The following SZT2 variants were observed in gnomAD, a reference collection of about 807,000 sequenced individuals.
SZT2 encodes the protein KICSTOR complex protein SZT2.
SZT2 carries 216 observed loss-of-function variants against 404.2 expected under a neutral mutation model. The observed-to-expected ratio is 0.53, with a 90% confidence interval of 0.48 to 0.60. The LOEUF is 0.60. Among genes scored for constraint, SZT2 ranks in the 20% least tolerant of loss-of-function variants. The pLI, the probability that SZT2 is intolerant of heterozygous loss-of-function variation, is 0.00. For missense variants in SZT2, 3,857 were observed against 4,459.2 expected (o/e 0.86, Z 3.85); for synonymous variants, 1,693 against 1,749.9 (o/e 0.97, Z 0.81).
rs1655345912 is a variant in SZT2 at position 43,443,704 on chromosome 1, G to A, written c.8733G>A (p.Glu2911=). The change falls in exon 62 of 72, where the codon GAG becomes GAA. Residue 2911 remains glutamate, a synonymous_variant. Transcript: ENST00000634258. ...PGAREEPWLK[E]LSLAFLQQYV... ...CCCGTGAGGAGCCTTGGCTGAAGGA[G>A]CTGAGCTTGGCTTTCCTGCAGCAAT... 1 of 1,614,128 alleles carries A rather than the reference G, an allele frequency of 6.2e-7. No individual in the cohort carries two copies. The highest frequency in any genetic ancestry group is 8.5e-7 in the Non-Finnish European group (1 of 1,180,048).
Position 43,419,827 on chromosome 1 carries a change from C to T in SZT2, c.973C>T (p.Leu325=), listed in dbSNP as rs1372287023. 1.3e-6 allele frequency: 2 copies of T among 1,598,390 alleles called. No individual in the cohort carries two copies. The highest frequency in any genetic ancestry group is 2.7e-5 in the African/African-American group (2 of 74,934). ...CGCAATGGCAACATTTGGGTCCTAC[C>T]TGTCCACTTGTCCTGAGCCGGAGCC... ...FIAMATFGSY[L]STCPEPEPGN... is the part of the protein sequence containing the mutation. Residue 325 remains leucine, a synonymous_variant, in exon 8 of 72, where the codon CTG becomes TTG. Coordinates refer to ENST00000634258, the MANE Select transcript of SZT2 (RefSeq NM_001365999.1).
In SZT2 at chr1:43,452,274, T is replaced by C; in HGVS notation, c.*1794T>C. 1.9e-6 allele frequency: 3 copies of C among 1,614,140 alleles called. No homozygotes were observed. The highest frequency in any genetic ancestry group is 1.1e-5 in the South Asian group (1 of 91,054). On this transcript the variant is annotated 3_prime_UTR_variant, in exon 72 of 72. Coordinates refer to ENST00000634258, the MANE Select transcript of SZT2 (RefSeq NM_001365999.1). ...CGGCCTCCATCTCAGCCTTGACTGC[T>C]ATTCGATCAGCTCCCTGGGGTACTC...
rs745328236 is a variant in SZT2 at position 43,425,656 on chromosome 1, G to C, written c.2814+14G>C. On this transcript the variant is annotated intron_variant, in intron 19 of 71. Coordinates refer to ENST00000634258, the MANE Select transcript of SZT2 (RefSeq NM_001365999.1). The surrounding 1 kb of genome is among the most constrained non-coding windows in gnomAD (Gnocchi z 4.3). ...ATCCCGCAAGCTGTGAGTGTCCTCA[G>C]AACAGTACCCGCACCTCTCTCACTG... 6 of 1,613,242 alleles carry C rather than the reference G, an allele frequency of 3.7e-6. No individual in the cohort carries two copies. The East Asian group carries it at 1.1e-4, about 30-fold the overall frequency.
rs202113628 is a variant in SZT2 at position 43,443,793 on chromosome 1, G to A, written c.8822G>A (p.Arg2941His). The change falls in exon 62 of 72, where the codon CGC becomes CAC. Residue 2941 changes from arginine (R) to histidine (H), a missense_variant. This residue lies in a region of SZT2 where 717 missense variants were observed against 868.2 expected (regional missense o/e 0.83). Coordinates refer to ENST00000634258, the MANE Select transcript of SZT2 (RefSeq NM_001365999.1). ...LVPLRPPSPA[R>H]STSRPRAMAI... ...CCACTGCGGCCCCCCTCACCCGCCC[G>A]CAGGTGAGCCCGTCCCTGTTTTCCC... 51 of 1,613,294 alleles carry A rather than the reference G, an allele frequency of 3.2e-5. No homozygotes were observed. Among genetic ancestry groups the A allele is most frequent in the Non-Finnish European group, 3.6e-5 (42 of 1,180,016 alleles).
At chr1:43,436,962 C>G (rs1654519963) in intron 42 of SZT2, 3 of 610,564 alleles carry the variant, frequency 4.9e-6, no homozygotes, top group East Asian at 2.8e-5. Context: ...TGAGATAGTT[C>G]TGGAAGCCTT....
chr1:43,453,207 A>G lies in SZT2; in HGVS notation c.*2727A>G. On this transcript the variant is annotated 3_prime_UTR_variant, in exon 72 of 72. Transcript: ENST00000634258. ...TGGGGTGAGCATGAAAGAGTGGCAAACAGAGTGGCATAAGACAGATAAAAT... is the reference window on the plus strand; with the variant it reads ...TGGGGTGAGCATGAAAGAGTGGCAAGCAGAGTGGCATAAGACAGATAAAAT... 2 of 641,110 alleles carry G rather than the reference A, an allele frequency of 3.1e-6. No homozygotes were observed. The highest frequency in any genetic ancestry group is 5.8e-4 in the Middle Eastern group (2 of 3,472). 39.7% of individuals were successfully genotyped at this position (641,110 alleles called of 1,614,324 possible).
In SZT2 at chr1:43,441,056, T is replaced by A. The variant is rs1321242536; in HGVS notation, c.7345-158T>A. The stretch of plus-strand genomic sequence containing the variant: ...TGAGGAAGGTGAGGCTCAGGAAAGT[T>A]AGGTAACCTGCCCAAGGCTCCTTAG... On this transcript the variant is annotated intron_variant, in intron 52 of 71. Transcript: ENST00000634258. The surrounding 1 kb of genome is among the most constrained non-coding windows in gnomAD (Gnocchi z 4.8). Among the ~76,000 whole-genome samples, 1 of 152,180 alleles carries A rather than the reference T, an allele frequency of 6.6e-6. No homozygotes were observed. Among genetic ancestry groups the A allele is most frequent in the Non-Finnish European group, 1.5e-5 (1 of 68,020 alleles).
chr1:43,409,391 G>A (rs978081144), intron 4 of SZT2: 13 of 283,020 alleles, frequency 4.6e-5, no homozygotes, highest in African/African-American at 1.6e-4. Context: ...GATTTTGAGC[G>A]TAAAAGAGAG....
In SZT2 at chr1:43,396,207, C is replaced by T. The variant is rs542045052; in HGVS notation, c.27+6212C>T. Among the ~76,000 whole-genome samples the T allele has an allele frequency of 2.0e-5, 3 of 152,262 alleles. No individual in the cohort carries two copies. In the South Asian group the frequency reaches 6.2e-4, roughly 32 times the overall value. ...ACCAGCCAGAATTCATTCATGGGCA[C>T]ATAATCTAAGATATAAAATAGTGAG... is the stretch of plus-strand genomic sequence containing the variant. On this transcript the variant is annotated intron_variant, in intron 1 of 71. Transcript: ENST00000634258.
Position 43,453,238 on chromosome 1 carries a change from A to C in SZT2, c.*2758A>C. On this transcript the variant is annotated 3_prime_UTR_variant, in exon 72 of 72. Transcript: ENST00000634258. ...TGGCATAAGACAGATAAAATACAAA[A>C]GGCAATTTACAAAGGACCAGGACCG... The C allele has an allele frequency of 1.5e-6, 1 of 645,944 alleles. No homozygotes were observed. Among genetic ancestry groups the C allele is most frequent in the Non-Finnish European group, 2.7e-6 (1 of 371,698 alleles). The allele number at this position is 645,944 out of a possible 1,614,324, so 40.0% of individuals were successfully genotyped here. A position where few individuals can be genotyped will look rare whatever the true frequency, so the allele number is the denominator to read the frequency against.
In SZT2 at chr1:43,439,462, C is replaced by T. The variant is rs746434728; in HGVS notation, c.6877+20C>T. On this transcript the variant is annotated intron_variant, in intron 49 of 71. Coordinates refer to ENST00000634258, the MANE Select transcript of SZT2 (RefSeq NM_001365999.1). This position sits in a 1 kb window ranked among gnomAD's most constrained non-coding sequence, Gnocchi z 4.2. Reference sequence around the variant, plus strand: ...GCAAAGGTACGGTGCAGGGCACGGGCCTGTGGCACCACCAGGTGAGGGAAA... The same window carrying T: ...GCAAAGGTACGGTGCAGGGCACGGGTCTGTGGCACCACCAGGTGAGGGAAA... 2 of 1,601,828 alleles carry T rather than the reference C, an allele frequency of 1.2e-6. No homozygotes were observed. The highest frequency in any genetic ancestry group is 4.5e-5 in the East Asian group (2 of 44,722).
rs770299903 is a variant in SZT2, at chr1:43,403,798, G to A, written c.327+24G>A. The stretch of plus-strand genomic sequence containing the variant: ...TGGTAAAGGATTGAAGGGAGACTGT[G>A]GGAAGAAAGGATGGGGTGGGGTGTG... On this transcript the variant is annotated intron_variant, in intron 3 of 71. Coordinates refer to ENST00000634258, the MANE Select transcript of SZT2 (RefSeq NM_001365999.1). The A allele has an allele frequency of 4.4e-6, 7 of 1,608,500 alleles. No individual in the cohort carries two copies. The Admixed American group carries it at 6.7e-5, about 15-fold the overall frequency.
rs79439514 is a variant in SZT2 at position 43,451,427 on chromosome 1, C to G, written c.*947C>G. On this transcript the variant is annotated 3_prime_UTR_variant, in exon 72 of 72. Transcript: ENST00000634258. ...CGCCTCACCTCGAGGCTGATACTCACAGCCCACGAAGCCTTTGTAGCCTTC... is the reference window on the plus strand; with the variant it reads ...CGCCTCACCTCGAGGCTGATACTCAGAGCCCACGAAGCCTTTGTAGCCTTC... 4.6e-3 allele frequency: 7,435 copies of G among 1,613,346 alleles called. 316 individuals are homozygous for G. In the African/African-American group the frequency reaches 0.088, roughly 19 times the overall value.
At chr1:43,423,495 G>A (rs966184225) in intron 15 of SZT2, among the ~76,000 whole-genome samples, 179 bp downstream of exon 15, 29 of 150,580 alleles carry the variant, frequency 1.9e-4, no homozygotes, top group Non-Finnish European at 3.7e-4. Flanking sequence ...GTGGAAGGGC[G>A]TGGCTTAGCA....
In SZT2 at chr1:43,441,994, C is replaced by A; in HGVS notation, c.7743-6C>A. On this transcript the variant is annotated splice_region_variant and splice_polypyrimidine_tract_variant and intron_variant, in intron 55 of 71. Transcript: ENST00000634258. This position sits in a 1 kb window ranked among gnomAD's most constrained non-coding sequence, Gnocchi z 4.8. ...TGGCCTTTCTGTCTGTCCTCCCTTTCAATAGGGGTTCAGAGCCAGAGATCT... is the reference window on the plus strand; with the variant it reads ...TGGCCTTTCTGTCTGTCCTCCCTTTAAATAGGGGTTCAGAGCCAGAGATCT... The A allele has an allele frequency of 1.2e-6, 2 of 1,610,240 alleles. No homozygotes were observed. Among genetic ancestry groups the A allele is most frequent in the Non-Finnish European group, 1.7e-6 (2 of 1,177,744 alleles).
chr1:43,434,278 C>T, intron 40 of SZT2, 108 bp from the exon 41 acceptor site: 1 of 959,828 alleles, frequency 1.0e-6, no homozygotes, highest in East Asian at 2.8e-5. Flanking sequence ...CCATGACTTT[C>T]TCTCCCCCTC....
chr1:43,400,113 AT>A (rs35084430), intron 1 of SZT2, among the ~76,000 whole-genome samples: 11 of 146,536 alleles, frequency 7.5e-5, no homozygotes, highest in South Asian at 2.2e-4. Flanking sequence ...TAATTTTTGT[AT>A]TTTTTTTTTA....
rs201099183 is a variant in SZT2, at chr1:43,448,033, G to C, written c.9564-46G>C. On this transcript the variant is annotated intron_variant, in intron 68 of 71. Transcript: ENST00000634258. This position sits in a 1 kb window ranked among gnomAD's most constrained non-coding sequence, Gnocchi z 4.2. ...CAGCCTGCCCCACCCTGCCCTGTGTGTCTCTTGCTACAACCACCACTCTCC... is the reference window on the plus strand; with the variant it reads ...CAGCCTGCCCCACCCTGCCCTGTGTCTCTCTTGCTACAACCACCACTCTCC... The C allele has an allele frequency of 1.8e-4, 297 of 1,609,670 alleles. No homozygotes were observed. In the African/African-American group the frequency reaches 3.6e-3, roughly 20 times the overall value.
At position 43,453,735 on chromosome 1, in the gene SZT2, A is replaced by C. The variant is rs1204249217; in HGVS notation, c.*3255A>C. The C allele has an allele frequency of 2.2e-6, 3 of 1,386,576 alleles. No individual in the cohort carries two copies. The highest frequency in any genetic ancestry group is 7.5e-5 in the Admixed American group (2 of 26,552). The allele number at this position is 1,386,576 out of a possible 1,614,324, so 85.9% of individuals were successfully genotyped here. A position where few individuals can be genotyped will look rare whatever the true frequency, so the allele number is the denominator to read the frequency against. On this transcript the variant is annotated 3_prime_UTR_variant, in exon 72 of 72. Transcript: ENST00000634258. Reference sequence around the variant, plus strand: ...GCCCGCGGCCCGCACCCGCGCGGGGAGGCCGGAGAGCTCGGGGAATAGCCA... The same window carrying C: ...GCCCGCGGCCCGCACCCGCGCGGGGCGGCCGGAGAGCTCGGGGAATAGCCA...
Sources: allele counts gnomAD v4.1 joint callset (sites outside exome capture counted in the v4.1 genomes callset), GRCh38; gene constraint gnomAD v4.1.1; regional missense constraint gnomAD v4.1.1; non-coding constraint Gnocchi (gnomAD v3.1); transcripts MANE v1.5; gene names NCBI Gene and HGNC (gene_info 2026-07-23, HGNC 2026-07-21).